Variants in HNRNPH1 observed in about 807,000 individuals in gnomAD.
HNRNPH1 encodes heterogeneous nuclear ribonucleoprotein H1.
Under a neutral mutation model 58.6 loss-of-function variants are expected in HNRNPH1, and 4 were observed. The observed-to-expected ratio is 0.07, with a 90% CI of 0.03 to 0.16. The LOEUF is 0.16. Among genes scored for constraint, HNRNPH1 ranks in the 10% least tolerant of loss-of-function variants. The pLI is 1.00. For missense variants in HNRNPH1, 271 were observed against 564.2 expected, an observed-to-expected ratio of 0.48 and a Z score of 5.26; for synonymous variants, 192 against 189.2, an observed-to-expected ratio of 1.01 and a Z score of -0.12.
chr5:179,615,102 G>A, intron 12 of HNRNPH1, 143 bp from the exon 14 acceptor site: 1 of 624,794 alleles, frequency 1.6e-6, no homozygotes, highest in African/African-American at 1.8e-5. Context: ...TGGGAAAGGG[G>A]AATCCCGACT....
intron 12 of HNRNPH1, 23 bp downstream of exon 13, chr5:179,615,523 A>G (rs374195179): frequency 6.5e-5 from 84 of 1,290,156 alleles, no homozygotes; most frequent in Non-Finnish European, 8.6e-5. Context: ...TTGGGAATTT[A>G]TATTTTTTGA....
intron 4 of HNRNPH1, 193 bp downstream of exon 5, chr5:179,619,076 T>TA (rs1201650362): frequency 2.1e-6 from 1 of 482,386 alleles, no homozygotes; most frequent in Non-Finnish European, 3.7e-6. Flanking sequence ...GCAGACCAAT[T>TA]AACTAGGGAC....
intron 9 of HNRNPH1, 40 bp downstream of exon 10, chr5:179,617,011 T>A (rs1770082440): frequency 6.3e-7 from 1 of 1,585,120 alleles, no homozygotes; most frequent in Non-Finnish European, 8.6e-7. Flanking sequence ...GACACTAAAG[T>A]GATATTTACA....
At chr5:179,614,713 G>C (rs908519165) in exon 13 of HNRNPH1, 2 of 583,466 alleles carry the variant, frequency 3.4e-6, no homozygotes, top group African/African-American at 4.0e-5. Context: ...TAACAATCCT[G>C]ATTTCCACTT....
intron 7 of HNRNPH1, 70 bp downstream of exon 8, chr5:179,617,729 C>G (rs1770480188): frequency 6.2e-7 from 1 of 1,604,298 alleles, no homozygotes; most frequent in African/African-American, 1.3e-5. Flanking sequence ...ACATAGTGCT[C>G]ACATTTATAG....
intron 8 of HNRNPH1, 80 bp from the exon 10 acceptor site, chr5:179,617,190 A>C: frequency 7.2e-7 from 1 of 1,381,498 alleles, no homozygotes; most frequent in Non-Finnish European, 1.0e-6. Flanking sequence ...GTTTTTAAAC[A>C]AGCAGATCTG....
chr5:179,632,398 G>C (rs1356884176), intron 2 of HNRNPH1, among the ~76,000 whole-genome samples: 1 of 152,240 alleles, frequency 6.6e-6, no homozygotes, highest in Non-Finnish European at 1.5e-5. Flanking sequence ...CAGGCAGCAC[G>C]GTCCGCCCTT....
intron 3 of HNRNPH1, among the ~76,000 whole-genome samples, chr5:179,620,278 T>C (rs772590996): frequency 2.0e-5 from 3 of 152,238 alleles, no homozygotes; most frequent in Non-Finnish European, 2.9e-5. Context: ...CATGCAATCT[T>C]ATCAGCTCTT....
intron 1 of HNRNPH1, 175 bp downstream of exon 2, chr5:179,622,862 C>A (rs551395185): frequency 9.7e-4 from 149 of 153,278 alleles, no homozygotes; most frequent in African/African-American, 3.4e-3. Flanking sequence ...GGCCGCCGGG[C>A]GCGAGCAGCA....
intron 2 of HNRNPH1, among the ~76,000 whole-genome samples, chr5:179,632,753 C>CTTTTTTT (rs752554745): frequency 0.024 from 2,173 of 91,980 alleles, 249 homozygotes; most frequent in South Asian, 0.063. Flanking sequence ...AATCAAATAT[C>CTTTTTTT]TTTTTTTTTT....
At chr5:179,620,971 G>T (rs953172568) in exon 3 of HNRNPH1, 1 of 1,613,818 alleles carries the variant, frequency 6.2e-7, no homozygotes. Flanking sequence ...CATTGGCCGT[G>T]TCAGGACTAT....
intron 3 of HNRNPH1, 27 bp from the exon 5 acceptor site, chr5:179,619,434 G>A (rs756274926): frequency 6.3e-7 from 1 of 1,590,260 alleles, no homozygotes; most frequent in Non-Finnish European, 8.6e-7. Context: ...AATAACCCCA[G>A]TAGGGGGGCA....
chr5:179,631,214 C>T (rs529842193), intron 2 of HNRNPH1, among the ~76,000 whole-genome samples: 7 of 151,774 alleles, frequency 4.6e-5, no homozygotes, highest in South Asian at 4.2e-4. Context: ...AAAAGATATA[C>T]GTTACGGTAT....
chr5:179,632,877 G>C (rs1315802366), intron 2 of HNRNPH1, among the ~76,000 whole-genome samples: 14 of 18,268 alleles, frequency 7.7e-4, no homozygotes, highest in African/African-American at 2.2e-3. Context: ...TTTTTTTTTT[G>C]AGACGGAGTC....
At chr5:179,632,089 G>C (rs1274586463) in intron 2 of HNRNPH1, among the ~76,000 whole-genome samples, 1 of 151,906 alleles carries the variant, frequency 6.6e-6, no homozygotes, top group Non-Finnish European at 1.5e-5. Context: ...GGCGGATCAC[G>C]AGGTCAGGAG....
chr5:179,628,885 G>A (rs1774586033), upstream of HNRNPH1, among the ~76,000 whole-genome samples: 1 of 152,216 alleles, frequency 6.6e-6, no homozygotes, highest in Non-Finnish European at 1.5e-5. Flanking sequence ...GGAGTGTGAG[G>A]TGGGAGGATG....
At chr5:179,617,339 C>T (rs887867038) in intron 8 of HNRNPH1, 175 bp downstream of exon 9, 19 of 778,054 alleles carry the variant, frequency 2.4e-5, no homozygotes, top group Non-Finnish European at 3.5e-5. Context: ...ATCACAAATC[C>T]GTTATACTAA....
chr5:179,621,925 G>A (rs752945154), intron 1 of HNRNPH1: 3 of 456,140 alleles, frequency 6.6e-6, no homozygotes, highest in African/African-American at 2.0e-5. Flanking sequence ...CCTGCAAGGC[G>A]GCTTCCAGCG....
At chr5:179,620,683 A>AT (rs1771924854) in intron 3 of HNRNPH1, 1 of 558,260 alleles carries the variant, frequency 1.8e-6, no homozygotes, top group Non-Finnish European at 3.2e-6. Flanking sequence ...ATAATACTAA[A>AT]TATAGGCAAA....
Sources: gnomAD v4.1 joint callset for allele counts (sites outside exome capture counted in the v4.1 genomes callset) on GRCh38, gnomAD v4.1.1 for gene constraint, MANE v1.5 for transcripts, NCBI Gene and HGNC (gene_info 2026-07-23, HGNC 2026-07-21) for gene names.